Variants in TBL1X observed in about 807,000 individuals in gnomAD.
TBL1X encodes F-box-like/WD repeat-containing protein TBL1X.
A neutral mutation model predicts 50.7 loss-of-function variants in TBL1X; 10 were observed. The ratio of observed to expected loss-of-function variants is 0.20; its 90% CI spans 0.12 to 0.33. The LOEUF (loss-of-function observed/expected upper bound fraction) is 0.33, where lower values mean the gene tolerates loss of function less well. Ranked by LOEUF, TBL1X falls within the 10% of genes least tolerant of loss-of-function variation. The pLI, the probability that TBL1X is intolerant of heterozygous loss-of-function variation, is 1.00. For synonymous variants in TBL1X, 190 were observed against 214.7 expected (o/e 0.88, Z 1.01); for missense variants, 340 against 504.4 (o/e 0.67, Z 3.12).
At chrX:9,546,310 G>A (rs1257516598) in intron 2 of TBL1X, among the ~76,000 whole-genome samples, 2 of 111,780 alleles carry the variant, frequency 1.8e-5, no homozygotes, top group Non-Finnish European at 3.8e-5. Flanking sequence ...TCAGGAGATC[G>A]AGACCCATCC....
At chrX:9,698,057 C>G (rs1470559748) in intron 12 of TBL1X, among the ~76,000 whole-genome samples, 1 of 111,825 alleles carries the variant, frequency 8.9e-6, no homozygotes, top group Non-Finnish European at 1.9e-5. Context: ...GTATTCCAGC[C>G]TAGGTGACAG....
intron 2 of TBL1X, among the ~76,000 whole-genome samples, chrX:9,528,301 T>C (rs2082142406): frequency 9.0e-6 from 1 of 111,598 alleles, no homozygotes; most frequent in Non-Finnish European, 1.9e-5. Flanking sequence ...GGTTCTCCCA[T>C]GTTGTAGCCT....
chrX:9,662,680 A>G (rs919483775), intron 5 of TBL1X, among the ~76,000 whole-genome samples: 2 of 112,500 alleles, frequency 1.8e-5, no homozygotes, highest in African/African-American at 6.5e-5. Context: ...ACCTAATGCC[A>G]CTGAACTGTG....
At chrX:9,474,256 C>G in intron 1 of TBL1X, among the ~76,000 whole-genome samples, 1 of 112,784 alleles carries the variant, frequency 8.9e-6, no homozygotes, top group East Asian at 2.8e-4. Flanking sequence ...CTTCTGAAAA[C>G]TTTTTTGCTG....
chrX:9,623,894 G>A (rs757527909), intron 2 of TBL1X, among the ~76,000 whole-genome samples: 4 of 111,820 alleles, frequency 3.6e-5, no homozygotes, highest in African/African-American at 6.5e-5. Flanking sequence ...AATCCCAGTT[G>A]CTTAAGCCTG....
chrX:9,538,164 C>T (rs186791732), intron 2 of TBL1X, among the ~76,000 whole-genome samples: 44 of 111,533 alleles, frequency 3.9e-4, no homozygotes, highest in African/African-American at 1.3e-3. Context: ...CTGGAGGTTC[C>T]GTTAATGTTA....
intron 1 of TBL1X, among the ~76,000 whole-genome samples, chrX:9,491,848 A>T (rs1030579675): frequency 9.1e-6 from 1 of 110,189 alleles, no homozygotes; most frequent in Admixed American, 9.7e-5. Flanking sequence ...TTCAGATATT[A>T]AAAAAAAATC....
intron 2 of TBL1X, among the ~76,000 whole-genome samples, chrX:9,552,317 C>T (rs57881941): frequency 0.029 from 3,213 of 111,491 alleles, 143 homozygotes; most frequent in African/African-American, 0.1. Context: ...GGATCATCCA[C>T]CATCAGTCTA....
At chrX:9,646,847 T>G (rs1254456159) in intron 3 of TBL1X, among the ~76,000 whole-genome samples, 1 of 112,273 alleles carries the variant, frequency 8.9e-6, no homozygotes, top group Non-Finnish European at 1.9e-5. Context: ...AGGAGCTCTG[T>G]GCGCTGCCCT....
At chrX:9,596,359 G>A (rs1192547693) in intron 2 of TBL1X, among the ~76,000 whole-genome samples, 1 of 112,058 alleles carries the variant, frequency 8.9e-6, no homozygotes, top group African/African-American at 3.2e-5. Context: ...AGAAAACAAG[G>A]GGTCAGCAAA....
intron 2 of TBL1X, among the ~76,000 whole-genome samples, chrX:9,517,540 C>T (rs778022771): frequency 2.7e-5 from 3 of 112,127 alleles, no homozygotes; most frequent in African/African-American, 6.5e-5. Flanking sequence ...CGTTTTATAA[C>T]TTGGGAAACT....
rs181721031 is a variant in TBL1X at position 9,685,593 on chromosome X, G to A, written c.357+1405G>A. 2.6e-4 allele frequency among the ~76,000 whole-genome samples: 29 copies of A among 110,963 alleles called. No individual in the cohort carries two copies. In the East Asian group the frequency reaches 7.1e-3, roughly 27 times the overall value. On this transcript the variant is annotated intron_variant, in intron 6 of 17. Coordinates refer to ENST00000645353, the MANE Select transcript of TBL1X (RefSeq NM_005647.4). The stretch of plus-strand genomic sequence containing the variant: ...ATTCTTCCAGGATTCCCTCTGTCCC[G>A]TCTTTCTGGGAACTGGTCTTGCCCT...
At chrX:9,600,437 T>G (rs6640457) in intron 2 of TBL1X, among the ~76,000 whole-genome samples, 951 of 71,548 alleles carry the variant, frequency 0.013, 21 homozygotes, top group African/African-American at 0.054. Flanking sequence ...CATCATATTG[T>G]AGGTTAGGTT....
chrX:9,587,541 A>C (rs2082476562), intron 2 of TBL1X, among the ~76,000 whole-genome samples: 3 of 111,722 alleles, frequency 2.7e-5, no homozygotes, highest in Non-Finnish European at 5.6e-5. Flanking sequence ...CCAGGGCCAG[A>C]GTGAAGAGAC....
intron 5 of TBL1X, among the ~76,000 whole-genome samples, chrX:9,672,352 G>T (rs946314283): frequency 1.8e-5 from 2 of 111,810 alleles, no homozygotes; most frequent in African/African-American, 6.5e-5. Context: ...CCTTAAAAGT[G>T]CCCAGCATTG....
At chrX:9,568,286 TCTGTCTGTA>T (rs1247630580) in intron 2 of TBL1X, among the ~76,000 whole-genome samples, 1 of 110,521 alleles carries the variant, frequency 9.0e-6, no homozygotes, top group African/African-American at 3.3e-5. Context: ...GTTGCATGTG[TCTGTCTGTA>T]CTGTGTGTGT....
chrX:9,512,801 T>TGTA (rs761948122), intron 2 of TBL1X, among the ~76,000 whole-genome samples: 2 of 111,620 alleles, frequency 1.8e-5, no homozygotes, highest in Non-Finnish European at 3.8e-5. Context: ...ACCCGGCCAG[T>TGTA]GTAAGTCTTT....
intron 6 of TBL1X, among the ~76,000 whole-genome samples, chrX:9,685,761 C>T (rs763497528): frequency 3.6e-5 from 3 of 83,317 alleles, no homozygotes; most frequent in South Asian, 1.6e-3. Context: ...CTCTCTCTGT[C>T]ACCCAGGTGG....
chrX:9,598,430 C>G (rs748631551), intron 2 of TBL1X, among the ~76,000 whole-genome samples: 2 of 111,706 alleles, frequency 1.8e-5, no homozygotes, highest in South Asian at 7.5e-4. Flanking sequence ...CCTCTGAAAC[C>G]TTGAGGAATC....
Sources: allele counts gnomAD v4.1 joint callset (sites outside exome capture counted in the v4.1 genomes callset), GRCh38; gene constraint gnomAD v4.1.1; transcripts MANE v1.5; gene names NCBI Gene and HGNC (gene_info 2026-07-23, HGNC 2026-07-21).